Variants in CSMD3 observed in about 807,000 individuals in gnomAD.
CSMD3 encodes the protein CUB and sushi domain-containing protein 3.
Under a neutral mutation model 435.2 loss-of-function variants are expected in CSMD3, and 177 were observed. The ratio of observed to expected loss-of-function variants is 0.41; its 90% CI spans 0.36 to 0.46. The LOEUF is 0.46. Among genes scored for constraint, CSMD3 ranks in the 20% least tolerant of loss-of-function variants. The probability of loss-of-function intolerance (pLI) is 0.34; values close to 1 mark genes in which losing one functional copy is unlikely to be tolerated. For synonymous variants in CSMD3, 1,656 were observed against 1,520.5 expected (o/e 1.09, Z -2.07); for missense variants, 4,265 against 4,504.6 (o/e 0.95, Z 1.52).
chr8:112,583,247 C>T (rs922150521), intron 23 of CSMD3, among the ~76,000 whole-genome samples: 1 of 151,928 alleles, frequency 6.6e-6, no homozygotes, highest in Admixed American at 6.6e-5. Context: ...TAACTAGTTT[C>T]TATCTACTGA....
chr8:112,818,567 A>T (rs1412178868), intron 12 of CSMD3, among the ~76,000 whole-genome samples: 2 of 152,220 alleles, frequency 1.3e-5, no homozygotes, highest in African/African-American at 4.8e-5. Flanking sequence ...CATTATTTAA[A>T]ATACATTTCC....
At chr8:113,257,203 T>C (rs2093388990) in intron 3 of CSMD3, among the ~76,000 whole-genome samples, 1 of 151,978 alleles carries the variant, frequency 6.6e-6, no homozygotes, top group Non-Finnish European at 1.5e-5. Context: ...GGTCAGGAGA[T>C]CAAGACCTTC....
chr8:112,798,567 G>A (rs1242758410), intron 13 of CSMD3, among the ~76,000 whole-genome samples: 1 of 151,762 alleles, frequency 6.6e-6, no homozygotes, highest in Non-Finnish European at 1.5e-5. Flanking sequence ...TACTATTGTT[G>A]AAAACTGAGC....
chr8:112,835,064 G>T (rs2079982937), intron 11 of CSMD3, among the ~76,000 whole-genome samples: 1 of 151,588 alleles, frequency 6.6e-6, no homozygotes, highest in African/African-American at 2.4e-5. Context: ...GCTTATTGAG[G>T]TTTGAATTAA....
intron 5 of CSMD3, among the ~76,000 whole-genome samples, chr8:113,061,487 G>T (rs1270324668): frequency 6.6e-6 from 1 of 152,014 alleles, no homozygotes; most frequent in Non-Finnish European, 1.5e-5. Context: ...GAGGCTGAGA[G>T]AAAACAAAAA....
At chr8:112,892,017 A>G (rs2081807214) in intron 10 of CSMD3, among the ~76,000 whole-genome samples, 1 of 151,576 alleles carries the variant, frequency 6.6e-6, no homozygotes, top group Admixed American at 6.6e-5. Context: ...CTGGGATTGT[A>G]GATGTTTATT....
chr8:113,274,693 A>T (rs945252225), intron 3 of CSMD3, among the ~76,000 whole-genome samples: 3 of 152,120 alleles, frequency 2.0e-5, no homozygotes, highest in African/African-American at 7.2e-5. Flanking sequence ...ATCTCATAGT[A>T]GTTACAGCAC....
At chr8:113,018,957 A>T in intron 6 of CSMD3, 110 bp downstream of exon 6, 1 of 779,964 alleles carries the variant, frequency 1.3e-6, no homozygotes, top group Non-Finnish European at 2.3e-6. Context: ...TTTTTTCAAT[A>T]CAAATTCCAA....
At chr8:112,403,720 A>T (rs1327524984) in intron 35 of CSMD3, among the ~76,000 whole-genome samples, 1 of 151,958 alleles carries the variant, frequency 6.6e-6, no homozygotes, top group African/African-American at 2.4e-5. Flanking sequence ...TAATACCCCC[A>T]CATGGGGGAT....
rs1339761454 is a variant in CSMD3, at chr8:112,224,954, C to G, written c.10965-24G>C. 12 of 1,611,752 alleles carry G rather than the reference C, an allele frequency of 7.4e-6. 1 individual carries two copies. In the Admixed American group the frequency reaches 2.0e-4, roughly 27 times the overall value. On this transcript the variant is annotated intron_variant, in intron 70 of 70. Transcript: ENST00000297405. ...TCCTGTTGATGAGAACATTGATTAG[C>G]TATGTGTTAACTTTCTTCCAGAAAC...
chr8:112,945,257 TC>T (rs1319652995), intron 9 of CSMD3, among the ~76,000 whole-genome samples: 1 of 151,718 alleles, frequency 6.6e-6, no homozygotes, highest in Non-Finnish European at 1.5e-5. Context: ...TCTGTCTCGT[TC>T]CCTGCCAACA....
At chr8:112,665,022 C>T (rs1016159578) in intron 17 of CSMD3, among the ~76,000 whole-genome samples, 3 of 152,098 alleles carry the variant, frequency 2.0e-5, no homozygotes, top group Non-Finnish European at 4.4e-5. Context: ...CTCCTGTATA[C>T]TTTGAATTCC....
intron 1 of CSMD3, among the ~76,000 whole-genome samples, chr8:113,381,168 G>C (rs181441384): frequency 3.5e-4 from 53 of 152,196 alleles, no homozygotes; most frequent in African/African-American, 1.0e-3. Context: ...TATCACTACA[G>C]GTAAGCTAAA....
intron 10 of CSMD3, among the ~76,000 whole-genome samples, chr8:112,864,225 CTTTT>C (rs1170438380): frequency 6.6e-6 from 1 of 150,832 alleles, no homozygotes; most frequent in African/African-American, 2.4e-5. Flanking sequence ...AGGTTTCTTT[CTTTT>C]TTTTGTTTTT....
At chr8:113,402,655 TA>T in intron 1 of CSMD3, among the ~76,000 whole-genome samples, 1 of 151,284 alleles carries the variant, frequency 6.6e-6, no homozygotes. Flanking sequence ...TTCTCTCTTA[TA>T]GGGGAGCTTA....
chr8:113,033,885 G>A lies in CSMD3; in HGVS notation c.918-14706C>T, dbSNP rs146330905. ...GGGAGGTGATTGGATCATGGGGGCA[G>A]TTTCCTCCAAGCTGTTCTCATGATA... On this transcript the variant is annotated intron_variant, in intron 5 of 70. Transcript: ENST00000297405. 8.2e-4 allele frequency among the ~76,000 whole-genome samples: 124 copies of A among 151,576 alleles called. 1 individual carries two copies. The highest frequency in any genetic ancestry group is 2.7e-3 in the African/African-American group (111 of 41,460).
intron 5 of CSMD3, among the ~76,000 whole-genome samples, chr8:113,042,750 C>T (rs745499887): frequency 5.4e-4 from 82 of 152,028 alleles, no homozygotes; most frequent in Non-Finnish European, 7.9e-4. Context: ...GAGCCGGGAA[C>T]TTTGGTTGCA....
intron 12 of CSMD3, among the ~76,000 whole-genome samples, chr8:112,824,335 T>C (rs2079614666): frequency 2.0e-5 from 3 of 152,204 alleles, no homozygotes; most frequent in Non-Finnish European, 4.4e-5. Flanking sequence ...GTGAATTTGA[T>C]CCTGTCATCA....
At chr8:112,460,923 T>C (rs1817385798) in intron 32 of CSMD3, among the ~76,000 whole-genome samples, 1 of 152,128 alleles carries the variant, frequency 6.6e-6, no homozygotes, top group South Asian at 2.1e-4. Context: ...TCACAGATTT[T>C]TAGTGTGTGA....
Sources: allele counts gnomAD v4.1 joint callset (sites outside exome capture counted in the v4.1 genomes callset), GRCh38; gene constraint gnomAD v4.1.1; transcripts MANE v1.5; gene names NCBI Gene and HGNC (gene_info 2026-07-23, HGNC 2026-07-21).